The following ACOT12 variants were observed in gnomAD, a reference collection of about 807,000 sequenced individuals.
ACOT12 encodes acetyl-coenzyme A thioesterase.
ACOT12 carries 51 observed loss-of-function variants against 67.7 expected under a neutral mutation model. The ratio of observed to expected loss-of-function variants is 0.75; its 90% CI spans 0.60 to 0.95. ACOT12 has a LOEUF of 0.95. Among genes scored for constraint, ACOT12 ranks in the 40% least tolerant of loss-of-function variants. ACOT12 has a pLI of 0.00. For synonymous variants in ACOT12, 251 were observed against 244.6 expected, an observed-to-expected ratio of 1.03 and a Z score of -0.24; for missense variants, 734 against 708.1, an observed-to-expected ratio of 1.04 and a Z score of -0.41.
At chr5:81,323,083 GA>G in the ACOT12 span, among the ~76,000 whole-genome samples, 46,320 of 104,938 alleles carry the variant, frequency 0.44, 7,284 homozygotes, top group Admixed American at 0.54. Context: ...ATAGCAAAAA[GA>G]AAAAAAAAAA....
At chr5:81,318,266 T>C in the ACOT12 span, among the ~76,000 whole-genome samples, 2 of 152,334 alleles carry the variant, frequency 1.3e-5, no homozygotes, top group East Asian at 3.9e-4. Context: ...TATCCAGTTT[T>C]CCCAGCACTG....
chr5:81,337,116 G>A (rs1438702977), intron 11 of ACOT12, among the ~76,000 whole-genome samples: 2 of 152,144 alleles, frequency 1.3e-5, no homozygotes. Context: ...CCCAGCACAG[G>A]GGGAGTTGAA....
At chr5:81,320,786 G>C in the ACOT12 span, among the ~76,000 whole-genome samples, 2 of 152,170 alleles carry the variant, frequency 1.3e-5, no homozygotes, top group Admixed American at 6.5e-5. Context: ...AAACAAGTAT[G>C]CTTTGTGTTT....
chr5:81,326,209 T>C (rs1758672859), downstream of ACOT12, among the ~76,000 whole-genome samples: 3 of 130,228 alleles, frequency 2.3e-5, no homozygotes, highest in South Asian at 7.9e-4. Flanking sequence ...CACTGCAACC[T>C]CCACCTCCTG....
At chr5:81,349,273 G>A (rs577347294) in intron 5 of ACOT12, among the ~76,000 whole-genome samples, 3 of 151,978 alleles carry the variant, frequency 2.0e-5, no homozygotes, top group East Asian at 1.9e-4. Flanking sequence ...TCCAGTGATC[G>A]TTTCAGTCCC....
intron 2 of ACOT12, among the ~76,000 whole-genome samples, chr5:81,377,904 A>G (rs1760467838): frequency 6.6e-6 from 1 of 152,222 alleles, no homozygotes. Flanking sequence ...GAAAATGGCC[A>G]TACTGCCCAA....
the ACOT12 span, among the ~76,000 whole-genome samples, chr5:81,320,760 T>C: frequency 6.6e-6 from 1 of 152,222 alleles, no homozygotes; most frequent in African/African-American, 2.4e-5. Flanking sequence ...GGTTTGGGAA[T>C]TATTAGAGAA....
downstream of ACOT12, among the ~76,000 whole-genome samples, chr5:81,327,644 T>C (rs1758706765): frequency 6.6e-6 from 1 of 152,234 alleles, no homozygotes; most frequent in Non-Finnish European, 1.5e-5. Flanking sequence ...TTTCACCATG[T>C]TGGTCAGGCT....
At position 81,335,754 on chromosome 5, in the gene ACOT12, A is replaced by T. The variant is rs756221986; in HGVS notation, c.1262+14T>A. On this transcript the variant is annotated intron_variant, in intron 12 of 14. Transcript: ENST00000307624. Reference sequence around the variant, plus strand: ...TCAAGGTTGATTGAGAAAAATTTTTAAATTTGTTCTTACACAAAATGGGGG... The same window carrying T: ...TCAAGGTTGATTGAGAAAAATTTTTTAATTTGTTCTTACACAAAATGGGGG... The T allele has an allele frequency of 4.8e-5, 77 of 1,600,918 alleles. No individual in the cohort carries two copies. Among genetic ancestry groups the T allele is most frequent in the Non-Finnish European group, 6.0e-5 (70 of 1,176,148 alleles).
intron 11 of ACOT12, among the ~76,000 whole-genome samples, chr5:81,341,403 T>A (rs1759187586): frequency 6.6e-6 from 1 of 152,222 alleles, no homozygotes; most frequent in Admixed American, 6.5e-5. Flanking sequence ...TGAATTTACT[T>A]AGATTTAAAG....
At chr5:81,344,316 GCTAA>G (rs750225508) in intron 8 of ACOT12, 101 bp from the exon 9 acceptor site, 14 of 1,166,186 alleles carry the variant, frequency 1.2e-5, no homozygotes, top group Middle Eastern at 2.3e-4. Context: ...AGTCAAAAGG[GCTAA>G]CTGAGATGTG....
chr5:81,372,501 G>C (rs1364109535), intron 2 of ACOT12, among the ~76,000 whole-genome samples: 1 of 152,142 alleles, frequency 6.6e-6, no homozygotes, highest in Non-Finnish European at 1.5e-5. Context: ...GATCTCTTGA[G>C]ACCTAATCTC....
chr5:81,342,734 C>T lies in ACOT12; in HGVS notation c.1066G>A (p.Val356Met), dbSNP rs1030837877. The change falls in exon 11 of 15, where the codon GTG (valine) becomes ATG (methionine). Residue 356 changes from valine to methionine, a missense_variant. Val to Met is a conservative substitution (Grantham distance 21). Coordinates refer to ENST00000307624, the MANE Select transcript of ACOT12 (RefSeq NM_130767.3). ...SKQASLSDSN[V>M]EALKKLAAKR... Reference sequence around the variant, plus strand: ...GCTGCCAGTTTTTTGAGGGCCTCCACATTGCTGTCACTCAGGGATGCCTAG... The same window carrying T: ...GCTGCCAGTTTTTTGAGGGCCTCCATATTGCTGTCACTCAGGGATGCCTAG... 1.2e-6 allele frequency: 2 copies of T among 1,614,044 alleles called. No homozygotes were observed. The highest frequency in any genetic ancestry group is 1.7e-5 in the Admixed American group (1 of 59,996).
Position 81,344,922 on chromosome 5 carries a change from A to G in ACOT12, c.893T>C (p.Ile298Thr). 6.2e-7 allele frequency: 1 copy of G among 1,614,180 alleles called. No homozygotes were observed. Among genetic ancestry groups the G allele is most frequent in the Non-Finnish European group, 8.5e-7 (1 of 1,180,032 alleles). The stretch of plus-strand genomic sequence containing the variant: ...AATGGGTTGGATTCTGGGAAACGTG[A>G]TGAGATTTTCCTTATCATCAGCAGC... ...YNAADDKENL[I>T]TFPRIQPISK... Residue 298 changes from isoleucine to threonine, a missense_variant, in exon 8 of 15, where the codon ATC becomes ACC. Coordinates refer to ENST00000307624, the MANE Select transcript of ACOT12 (RefSeq NM_130767.3).
At chr5:81,337,843 G>A (rs1580533284) in intron 11 of ACOT12, among the ~76,000 whole-genome samples, 1 of 152,250 alleles carries the variant, frequency 6.6e-6, no homozygotes, top group African/African-American at 2.4e-5. Flanking sequence ...GCACTTTTCT[G>A]GGGGTGCTGC....
intron 3 of ACOT12, among the ~76,000 whole-genome samples, chr5:81,370,882 A>G (rs1455798648): frequency 6.6e-6 from 1 of 152,184 alleles, no homozygotes; most frequent in Non-Finnish European, 1.5e-5. Flanking sequence ...TATGAGATCC[A>G]GCAACTCCTT....
chr5:81,390,440 A>C (rs1464763823), intron 1 of ACOT12, among the ~76,000 whole-genome samples: 1 of 151,376 alleles, frequency 6.6e-6, no homozygotes, highest in Non-Finnish European at 1.5e-5. Flanking sequence ...TTGGCTTTTA[A>C]AAAATAGTTT....
intron 4 of ACOT12, among the ~76,000 whole-genome samples, chr5:81,362,411 C>T (rs1381434141): frequency 6.6e-6 from 1 of 152,128 alleles, no homozygotes; most frequent in African/African-American, 2.4e-5. Context: ...GGTGATCCAC[C>T]CGCCTCAGCC....
chr5:81,383,060 G>C (rs574419154), intron 2 of ACOT12, among the ~76,000 whole-genome samples: 1 of 152,122 alleles, frequency 6.6e-6, no homozygotes, highest in Non-Finnish European at 1.5e-5. Flanking sequence ...ATGATCATTA[G>C]ATATCATATG....
Sources: gnomAD v4.1 joint callset for allele counts (sites outside exome capture counted in the v4.1 genomes callset) on GRCh38, gnomAD v4.1.1 for gene constraint, MANE v1.5 for transcripts, NCBI Gene and HGNC (gene_info 2026-07-23, HGNC 2026-07-21) for gene names.